MAD1L1: variants seen among roughly 807,000 people sequenced by gnomAD.
The protein encoded by MAD1L1 is mitotic spindle assembly checkpoint protein MAD1.
MAD1L1 carries 95 observed loss-of-function variants against 96.9 expected under a neutral mutation model. That is an observed-to-expected ratio of 0.98 (90% confidence interval 0.83 to 1.16). The LOEUF (loss-of-function observed/expected upper bound fraction) is 1.16, where lower values mean the gene tolerates loss of function less well. MAD1L1 is among the 50% of genes most tolerant of loss of function. The probability of loss-of-function intolerance (pLI) is 0.00; values close to 1 mark genes in which losing one functional copy is unlikely to be tolerated. For missense variants in MAD1L1, 1,007 were observed against 954.4 expected (o/e 1.06, Z -0.73); for synonymous variants, 473 against 396.6 (o/e 1.19, Z -2.29).
chr7:1,842,904 G>A (rs1022764075), intron 18 of MAD1L1, among the ~76,000 whole-genome samples: 2 of 152,260 alleles, frequency 1.3e-5, no homozygotes, highest in Non-Finnish European at 2.9e-5. Flanking sequence ...GGATGGGGAG[G>A]GTACACTGCC....
chr7:2,056,971 C>T (rs971042225), intron 12 of MAD1L1, among the ~76,000 whole-genome samples: 1 of 152,228 alleles, frequency 6.6e-6, no homozygotes, highest in Non-Finnish European at 1.5e-5. Flanking sequence ...CGGTCTAGCA[C>T]GGCAGATGGA....
intron 12 of MAD1L1, among the ~76,000 whole-genome samples, chr7:2,049,377 G>A (rs1784066398): frequency 6.6e-6 from 1 of 152,184 alleles, no homozygotes; most frequent in Admixed American, 6.5e-5. Context: ...GCACAGTGGG[G>A]GCCCCCACTC....
At chr7:1,912,606 G>T (rs1265632320) in intron 17 of MAD1L1, among the ~76,000 whole-genome samples, 4 of 152,072 alleles carry the variant, frequency 2.6e-5, no homozygotes, top group East Asian at 1.9e-4. Flanking sequence ...CTGCACCAGT[G>T]GGGGAACGGT....
At chr7:1,836,103 C>A (rs1782925409) in intron 18 of MAD1L1, among the ~76,000 whole-genome samples, 1 of 152,312 alleles carries the variant, frequency 6.6e-6, no homozygotes, top group African/African-American at 2.4e-5. Context: ...CTCACCACAA[C>A]CTCCGCCTCC....
At chr7:1,944,881 A>C (rs1583875404) in intron 16 of MAD1L1, among the ~76,000 whole-genome samples, 2 of 152,000 alleles carry the variant, frequency 1.3e-5, no homozygotes, top group South Asian at 2.1e-4. Flanking sequence ...GGGGACAAAG[A>C]CCCCTGTGAG....
chr7:1,953,165 C>G (rs1014719212), intron 16 of MAD1L1, among the ~76,000 whole-genome samples: 2 of 152,160 alleles, frequency 1.3e-5, no homozygotes, highest in African/African-American at 4.8e-5. Context: ...CCCAGGGACA[C>G]GGACCAGGGA....
chr7:2,190,559 T>A (rs986208152), intron 10 of MAD1L1, among the ~76,000 whole-genome samples: 1 of 152,158 alleles, frequency 6.6e-6, no homozygotes, highest in African/African-American at 2.4e-5. Context: ...TCACCATACA[T>A]CTGACAAAAG....
chr7:1,933,886 G>C (rs1263928543), intron 17 of MAD1L1, among the ~76,000 whole-genome samples: 1 of 152,156 alleles, frequency 6.6e-6, no homozygotes, highest in Non-Finnish European at 1.5e-5. Flanking sequence ...GCCAGTTCCT[G>C]GGCTGCGTTG....
At chr7:1,851,606 G>C (rs140251700) in intron 18 of MAD1L1, among the ~76,000 whole-genome samples, 1 of 152,234 alleles carries the variant, frequency 6.6e-6, no homozygotes, top group African/African-American at 2.4e-5. Context: ...CAACCAAAAC[G>C]GTCCCAAGAA....
chr7:1,826,891 C>A (rs1782421753), intron 18 of MAD1L1, among the ~76,000 whole-genome samples: 1 of 152,248 alleles, frequency 6.6e-6, no homozygotes, highest in African/African-American at 2.4e-5. Context: ...GTGACCTTTC[C>A]TTCAAGAGTG....
intron 18 of MAD1L1, among the ~76,000 whole-genome samples, chr7:1,823,225 T>A (rs1337612394): frequency 1.3e-5 from 2 of 152,066 alleles, no homozygotes; most frequent in African/African-American, 4.8e-5. Flanking sequence ...AAAAAAAATT[T>A]TTTTGACCGA....
chr7:1,855,520 A>C (rs959853272), intron 18 of MAD1L1, among the ~76,000 whole-genome samples: 1 of 151,490 alleles, frequency 6.6e-6, no homozygotes, highest in Admixed American at 6.6e-5. Flanking sequence ...TCACACACTC[A>C]CTTTCCAGAA....
At chr7:1,887,859 G>GTA (rs1786203962) in intron 18 of MAD1L1, among the ~76,000 whole-genome samples, 2 of 23,354 alleles carry the variant, frequency 8.6e-5, no homozygotes, top group African/African-American at 6.4e-4. Flanking sequence ...GTGTGTGTGT[G>GTA]CACGTGTGTG....
Position 2,103,580 on chromosome 7 carries a change from C to A in MAD1L1, c.1074-34242G>T, listed in dbSNP as rs962833378. On this transcript the variant is annotated intron_variant, in intron 11 of 18. Transcript: ENST00000265854. The surrounding 1 kb of genome is among the most constrained non-coding windows in gnomAD (Gnocchi z 4.3). ...GCCAGCACTGGGGCAAAGCCCACCA[C>A]CAGGCAGCCCTGGGAGCCCCTGCGA... 1.3e-5 allele frequency among the ~76,000 whole-genome samples: 2 copies of A among 152,178 alleles called. No individual in the cohort carries two copies. Among genetic ancestry groups the A allele is most frequent in the African/African-American group, 4.8e-5 (2 of 41,456 alleles).
chr7:2,231,117 G>C (rs554096707), intron 1 of MAD1L1, among the ~76,000 whole-genome samples: 1 of 152,146 alleles, frequency 6.6e-6, no homozygotes, highest in South Asian at 2.1e-4. Flanking sequence ...TGGCCAACAT[G>C]GCAAAACCCC....
chr7:2,206,002 C>T (rs1188896280), intron 10 of MAD1L1, among the ~76,000 whole-genome samples: 2 of 152,060 alleles, frequency 1.3e-5, no homozygotes, highest in East Asian at 1.9e-4. Flanking sequence ...TGTGGTGGTG[C>T]ACGCCTGGAA....
chr7:2,059,661 G>C (rs1365190504), intron 12 of MAD1L1, among the ~76,000 whole-genome samples: 2 of 150,692 alleles, frequency 1.3e-5, no homozygotes, highest in Admixed American at 6.6e-5. Flanking sequence ...GCATGGCCAG[G>C]GGACAGGAGA....
At chr7:1,971,193 C>T (rs1780389394) in intron 15 of MAD1L1, among the ~76,000 whole-genome samples, 1 of 152,206 alleles carries the variant, frequency 6.6e-6, no homozygotes, top group East Asian at 1.9e-4. Context: ...CCACAGTGAG[C>T]CCCGCACAAA....
intron 14 of MAD1L1, among the ~76,000 whole-genome samples, chr7:2,001,246 C>A (rs560617219): frequency 6.6e-6 from 1 of 152,388 alleles, no homozygotes; most frequent in South Asian, 2.1e-4. Flanking sequence ...GTGACCCAGG[C>A]CAGCCTGACG....
Sources: allele counts gnomAD v4.1 joint callset (sites outside exome capture counted in the v4.1 genomes callset), GRCh38; gene constraint gnomAD v4.1.1; non-coding constraint Gnocchi (gnomAD v3.1); transcripts MANE v1.5; gene names NCBI Gene and HGNC (gene_info 2026-07-23, HGNC 2026-07-21).